TP53BP1: variants seen among roughly 807,000 people sequenced by gnomAD.
TP53BP1 encodes TP53-binding protein 1.
TP53BP1 carries 61 observed loss-of-function variants against 200.8 expected under a neutral mutation model. That is an observed-to-expected ratio of 0.30 (90% confidence interval 0.25 to 0.38). The LOEUF (loss-of-function observed/expected upper bound fraction) is 0.38, where lower values mean the gene tolerates loss of function less well. Ranked by LOEUF, TP53BP1 falls within the 10% of genes least tolerant of loss-of-function variation. The pLI, the probability that TP53BP1 is intolerant of heterozygous loss-of-function variation, is 1.00. For missense variants in TP53BP1, 2,144 were observed against 2,371.9 expected (o/e 0.90, Z 2.00); for synonymous variants, 822 against 844.3 (o/e 0.97, Z 0.46).
chr15:43,465,384 A>G (rs2140077066), intron 11 of TP53BP1, among the ~76,000 whole-genome samples: 1 of 152,286 alleles, frequency 6.6e-6, no homozygotes, highest in East Asian at 1.9e-4. Context: ...ACTGAATGGT[A>G]TGTGAATTAC....
At chr15:43,509,530 T>TCCCGAG (rs1309009622) in intron 1 of TP53BP1, among the ~76,000 whole-genome samples, 6 of 152,148 alleles carry the variant, frequency 3.9e-5, no homozygotes, top group Admixed American at 3.9e-4. Context: ...TGCCTCAGCC[T>TCCCGAG]CCCGAGTAGC....
chr15:43,413,216 G>A lies in TP53BP1; in HGVS notation c.5208C>T (p.Gly1736=). The A allele has an allele frequency of 1.2e-6, 2 of 1,614,200 alleles. No homozygotes were observed. The highest frequency in any genetic ancestry group is 2.2e-5 in the East Asian group (1 of 44,890). Residue 1736 remains glycine (G), a synonymous_variant, in exon 24 of 28, where the codon GGC becomes GGT. Coordinates refer to ENST00000382044, the MANE Select transcript of TP53BP1 (RefSeq NM_001141980.3). ...PLPLNKTLFL[G]YAFLLTMATT... is the part of the protein sequence containing the mutation. ...TGGCCATGGTAAGGAGAAATGCGTA[G>A]CCCAGAAACAAGGTCTTGTTGAGAG...
chr15:43,490,330 C>T (rs182768256), intron 4 of TP53BP1, among the ~76,000 whole-genome samples: 6 of 152,040 alleles, frequency 3.9e-5, no homozygotes, highest in East Asian at 1.9e-4. Context: ...TCAGGTGATC[C>T]GCCCACCTCA....
chr15:43,439,637 A>G (rs2045881040), intron 15 of TP53BP1, among the ~76,000 whole-genome samples: 1 of 152,264 alleles, frequency 6.6e-6, no homozygotes. Flanking sequence ...GAGTGAACAC[A>G]ATAGCAAACA....
chr15:43,420,613 C>A lies in TP53BP1; in HGVS notation c.4373G>T (p.Gly1458Val), dbSNP rs1232855727. 3 of 1,614,186 alleles carry A rather than the reference C, an allele frequency of 1.9e-6. No homozygotes were observed. ...GTCACTACGACGCAAAGCACCAGCACCCACATCTGTTCGTCTGGTGGAGTC... is the reference window on the plus strand; with the variant it reads ...GTCACTACGACGCAAAGCACCAGCAACCACATCTGTTCGTCTGGTGGAGTC... The part of the protein sequence containing the change: ...VPDSTRRTDV[G>V]AGALRRSDSP... Residue 1458 changes from glycine (G) to valine (V), a missense_variant, in exon 21 of 28, where the codon GGT becomes GTT. By Grantham distance (109) the Gly-to-Val change is moderately radical. Transcript: ENST00000382044.
intron 1 of TP53BP1, among the ~76,000 whole-genome samples, chr15:43,501,542 T>C (rs573212368): frequency 2.2e-4 from 34 of 152,268 alleles, no homozygotes; most frequent in Admixed American, 3.9e-4. Flanking sequence ...GACAAACATA[T>C]ACAGCCATGA....
At chr15:43,494,241 G>A (rs1270218043), upstream of TP53BP1, among the ~76,000 whole-genome samples, 1 of 152,182 alleles carries the variant, frequency 6.6e-6, no homozygotes, top group East Asian at 1.9e-4. Flanking sequence ...TTCTACCCCA[G>A]GCTCAGATTT....
At position 43,405,311 on chromosome 15, in the gene TP53BP1, T is replaced by A; in HGVS notation, c.*2072A>T. 1 of 1,396,526 alleles carries A rather than the reference T, an allele frequency of 7.2e-7. No homozygotes were observed. The allele number at this position is 1,396,526 out of a possible 1,614,324, so 86.5% of individuals were successfully genotyped here. A position where few individuals can be genotyped will look rare whatever the true frequency, so the allele number is the denominator to read the frequency against. On this transcript the variant is annotated 3_prime_UTR_variant, in exon 28 of 28. Coordinates refer to ENST00000382044, the MANE Select transcript of TP53BP1 (RefSeq NM_001141980.3). ...TTCTAGCCACACACAAATAAATATC[T>A]GCGGCTTAGTGATAGGACTCTACCT...
At chr15:43,481,460 TACACACACACACACAC>T (rs61433356) in intron 4 of TP53BP1, among the ~76,000 whole-genome samples, 1 of 143,714 alleles carries the variant, frequency 7.0e-6, no homozygotes, top group African/African-American at 2.6e-5. Context: ...TGTATATAAA[TACACACACACACACAC>T]ACACACACAC....
At position 43,456,974 on chromosome 15, in the gene TP53BP1, C is replaced by T. The variant is rs1286524434; in HGVS notation, c.1634G>A (p.Gly545Glu). The T allele has an allele frequency of 6.2e-7, 1 of 1,614,064 alleles. No homozygotes were observed. Among genetic ancestry groups the T allele is most frequent in the Non-Finnish European group, 8.5e-7 (1 of 1,180,048 alleles). The change falls in exon 12 of 28, where the codon GGA (glycine) becomes GAA (glutamate). Residue 545 changes from glycine (G) to glutamate (E), a missense_variant. Around this residue, in one of 4 missense-constraint regions of TP53BP1, gnomAD observed 1,700 missense variants for 1,710.3 expected, o/e 0.99. Transcript: ENST00000382044. ...SLSSHRIDED[G>E]ENTQIEDTEP... ...CGTATCCTCAATCTGTGTGTTTTCT[C>T]CATCTTCATCAATTCTGTGAGAACT...
chr15:43,482,451 G>A (rs2078986305), intron 4 of TP53BP1, among the ~76,000 whole-genome samples: 1 of 151,668 alleles, frequency 6.6e-6, no homozygotes, highest in Admixed American at 6.6e-5. Flanking sequence ...CGGCCAACAT[G>A]GTGCAACCCC....
At chr15:43,479,727 A>T in intron 6 of TP53BP1, 132 bp downstream of exon 6, 2 of 1,263,820 alleles carry the variant, frequency 1.6e-6, no homozygotes, top group Non-Finnish European at 2.2e-6. Context: ...TTACCAGAAA[A>T]CTCTTCAACC....
Position 43,413,074 on chromosome 15 carries a change from G to A in TP53BP1, c.5305+45C>T, listed in dbSNP as rs770551224. 22 of 1,588,074 alleles carry A rather than the reference G, an allele frequency of 1.4e-5. 1 individual carries two copies. In the Admixed American group the frequency reaches 3.7e-4, roughly 27 times the overall value. On this transcript the variant is annotated intron_variant, in intron 24 of 27. Transcript: ENST00000382044. ...AGCTCATAAGTGACTGGAAAAGAAA[G>A]AAGTGCCTATGTGTCAGAGCTCCCA...
At chr15:43,477,804 T>G (rs372310800) in intron 7 of TP53BP1, 45 bp from the exon 8 acceptor site, 16 of 1,407,850 alleles carry the variant, frequency 1.1e-5, no homozygotes, top group African/African-American at 1.4e-5. Flanking sequence ...TAAGTTCAAA[T>G]GTTTTTAAAT....
At chr15:43,487,409 T>C (rs1266085340) in intron 4 of TP53BP1, among the ~76,000 whole-genome samples, 1 of 152,160 alleles carries the variant, frequency 6.6e-6, no homozygotes, top group Non-Finnish European at 1.5e-5. Context: ...TGGCAGTTTC[T>C]TAAAAAAACA....
chr15:43,471,227 A>AT (rs1373007102), intron 10 of TP53BP1, among the ~76,000 whole-genome samples: 3 of 152,222 alleles, frequency 2.0e-5, no homozygotes, highest in South Asian at 4.1e-4. Context: ...ACACTGTTAC[A>AT]TAAAAAAAAA....
At position 43,408,854 on chromosome 15, in the gene TP53BP1, GTCC is replaced by G. The variant is rs779549312; in HGVS notation, c.5600+40_5600+42del. 2.1e-5 allele frequency: 33 copies of G among 1,588,016 alleles called. No individual in the cohort carries two copies. The African/African-American group carries it at 3.8e-4, about 18-fold the overall frequency. On this transcript the variant is annotated intron_variant, in intron 26 of 27. Coordinates refer to ENST00000382044, the MANE Select transcript of TP53BP1 (RefSeq NM_001141980.3). Reference sequence around the variant, plus strand: ...GATTCTCTTCCCTCCAAAGCTTGCTGTCCTCCTGCCTATACAATTCTGGATGGG... The same window carrying G: ...GATTCTCTTCCCTCCAAAGCTTGCTGTCCTGCCTATACAATTCTGGATGGG...
intron 18 of TP53BP1, 23 bp from the exon 19 acceptor site, chr15:43,422,149 G>T (rs779946148): frequency 6.2e-7 from 1 of 1,605,508 alleles, no homozygotes; most frequent in Non-Finnish European, 8.5e-7. Context: ...AATAGATACA[G>T]AAGATAAAAG....
intron 4 of TP53BP1, among the ~76,000 whole-genome samples, chr15:43,485,907 C>T (rs144813829): frequency 1.9e-4 from 29 of 152,204 alleles, no homozygotes; most frequent in African/African-American, 7.0e-4. Flanking sequence ...TCAGAAAAAG[C>T]ATGAAATAAT....
Sources: gnomAD v4.1 joint callset for allele counts (sites outside exome capture counted in the v4.1 genomes callset) on GRCh38, gnomAD v4.1.1 for gene constraint, gnomAD v4.1.1 regional missense constraint, MANE v1.5 for transcripts, NCBI Gene and HGNC (gene_info 2026-07-23, HGNC 2026-07-21) for gene names.